The following MEIKIN variants were observed in gnomAD, a reference collection of about 807,000 sequenced individuals.
The protein encoded by MEIKIN is meiosis-specific kinetochore protein.
chr5:131,808,500 C>T (rs553018404), intron 12 of MEIKIN, among the ~76,000 whole-genome samples: 1 of 152,172 alleles, frequency 6.6e-6, no homozygotes, highest in Non-Finnish European at 1.5e-5. Flanking sequence ...TCACTAAGCC[C>T]TGTCAATTAT....
intron 11 of MEIKIN, among the ~76,000 whole-genome samples, chr5:131,837,632 T>C (rs1418778921): frequency 1.3e-5 from 2 of 152,108 alleles, no homozygotes; most frequent in African/African-American, 4.8e-5. Context: ...CTGAATAGAA[T>C]TGTGTTTCTG....
intron 11 of MEIKIN, among the ~76,000 whole-genome samples, chr5:131,831,901 C>A (rs1269580883): frequency 2.0e-5 from 3 of 152,156 alleles, no homozygotes; most frequent in African/African-American, 4.8e-5. Flanking sequence ...AGACTGGCCC[C>A]CATGATTCAA....
At chr5:131,843,512 C>T (rs1174445100) in intron 11 of MEIKIN, among the ~76,000 whole-genome samples, 1 of 152,238 alleles carries the variant, frequency 6.6e-6, no homozygotes, top group Non-Finnish European at 1.5e-5. Context: ...GAATGCTTTG[C>T]TTAAAAATTT....
intron 12 of MEIKIN, among the ~76,000 whole-genome samples, chr5:131,816,352 C>A (rs1443375446): frequency 6.6e-6 from 1 of 152,108 alleles, no homozygotes; most frequent in Non-Finnish European, 1.5e-5. Flanking sequence ...TTAATATCTA[C>A]AATAAACTTT....
rs115929009 is a variant in MEIKIN, at chr5:131,836,128, T to A, written c.975+15136A>T. ...GTTCTTATCATTTAGCTCTCATTTA[T>A]AAGTGAGAATATGCCATATTTGGTT... On this transcript the variant is annotated intron_variant, in intron 11 of 12. Coordinates refer to ENST00000442687, the MANE Select transcript of MEIKIN (RefSeq NM_001303622.2). Among the ~76,000 whole-genome samples, 1,289 of 152,336 alleles carry A rather than the reference T, an allele frequency of 8.5e-3. 15 individuals are homozygous for A. Among genetic ancestry groups the A allele is most frequent in the African/African-American group, 0.029 (1,199 of 41,574 alleles).
intron 8 of MEIKIN, among the ~76,000 whole-genome samples, chr5:131,883,189 TTG>T (rs1561743254): frequency 5.9e-5 from 9 of 152,312 alleles, no homozygotes; most frequent in African/African-American, 1.9e-4. Context: ...GAACACTAAA[TTG>T]AGATGCCTCT....
intron 8 of MEIKIN, among the ~76,000 whole-genome samples, chr5:131,886,254 G>A (rs186829642): frequency 6.6e-6 from 1 of 152,052 alleles, no homozygotes; most frequent in Non-Finnish European, 1.5e-5. Flanking sequence ...TTTATTCAAA[G>A]GGATAACAAC....
intron 8 of MEIKIN, among the ~76,000 whole-genome samples, chr5:131,895,173 T>A (rs2149636323): frequency 6.6e-6 from 1 of 152,366 alleles, no homozygotes; most frequent in South Asian, 2.1e-4. Context: ...TGGTTCTGTT[T>A]ATGTGATGGA....
chr5:131,890,240 T>TA (rs1750885253), intron 8 of MEIKIN, among the ~76,000 whole-genome samples: 2 of 152,204 alleles, frequency 1.3e-5, no homozygotes, highest in South Asian at 4.1e-4. Flanking sequence ...GGATTCCCTC[T>TA]TTTTCTATTG....
At chr5:131,851,423 T>C (rs1580872319) in intron 10 of MEIKIN, 40 bp from the exon 11 acceptor site, 2 of 396,626 alleles carry the variant, frequency 5.0e-6, no homozygotes, top group Non-Finnish European at 8.9e-6. Flanking sequence ...AAGTTAAACA[T>C]TGCAAAAGCA....
intron 12 of MEIKIN, among the ~76,000 whole-genome samples, chr5:131,815,369 TG>T (rs1388374001): frequency 6.6e-6 from 1 of 152,170 alleles, no homozygotes; most frequent in East Asian, 1.9e-4. Flanking sequence ...ATCCAATAAA[TG>T]GTACTTTTTT....
intron 8 of MEIKIN, among the ~76,000 whole-genome samples, chr5:131,901,188 G>A (rs914185077): frequency 2.6e-5 from 4 of 152,084 alleles, no homozygotes; most frequent in Non-Finnish European, 4.4e-5. Context: ...CACAGATGGC[G>A]TCAGTCCCAC....
intron 12 of MEIKIN, among the ~76,000 whole-genome samples, chr5:131,817,428 G>A (rs765761370): frequency 6.6e-5 from 10 of 151,822 alleles, no homozygotes; most frequent in East Asian, 1.9e-4. Flanking sequence ...TGGCTAACAC[G>A]ATGAAACCCC....
chr5:131,921,111 G>A (rs1348926634), intron 6 of MEIKIN, among the ~76,000 whole-genome samples: 1 of 152,160 alleles, frequency 6.6e-6, no homozygotes, highest in Non-Finnish European at 1.5e-5. Context: ...CAAACTGCAG[G>A]AGACTAGGGA....
rs1307221046 is a variant in MEIKIN, at chr5:131,810,612, T to C, written c.1100-3354A>G. On this transcript the variant is annotated intron_variant, in intron 12 of 12. Transcript: ENST00000442687. Reference sequence around the variant, plus strand: ...ACTGGAATCACTTTCAAAATGCAGGTTCCTGTGCCATCTCTAGAGACTGAA... The same window carrying C: ...ACTGGAATCACTTTCAAAATGCAGGCTCCTGTGCCATCTCTAGAGACTGAA... 3.3e-5 allele frequency among the ~76,000 whole-genome samples: 5 copies of C among 152,202 alleles called. No homozygotes were observed. The South Asian group carries it at 8.3e-4, about 25-fold the overall frequency.
At position 131,874,068 on chromosome 5, in the gene MEIKIN, C is replaced by T. The variant is rs541319922; in HGVS notation, c.774+4910G>A. Among the ~76,000 whole-genome samples, 287 of 152,258 alleles carry T rather than the reference C, an allele frequency of 1.9e-3. 1 individual carries two copies. Among genetic ancestry groups the T allele is most frequent in the African/African-American group, 6.7e-3 (277 of 41,538 alleles). On this transcript the variant is annotated intron_variant, in intron 9 of 12. Transcript: ENST00000442687. The stretch of plus-strand genomic sequence containing the variant: ...GAAAGATCTAAAATTGACACCCTAA[C>T]ATCACAATTAAAATAACTAGAAAAG...
intron 9 of MEIKIN, among the ~76,000 whole-genome samples, chr5:131,875,654 C>A (rs1189237380): frequency 1.3e-5 from 2 of 152,146 alleles, no homozygotes; most frequent in Non-Finnish European, 2.9e-5. Flanking sequence ...CTTTCAAGTT[C>A]ATACGGAACC....
chr5:131,813,478 G>A (rs992864781), intron 12 of MEIKIN, among the ~76,000 whole-genome samples: 4 of 150,558 alleles, frequency 2.7e-5, no homozygotes, highest in Non-Finnish European at 5.9e-5. Flanking sequence ...CCAGGCTGGA[G>A]TGCAGTGGCA....
intron 11 of MEIKIN, among the ~76,000 whole-genome samples, chr5:131,828,492 G>A (rs571109872): frequency 6.6e-6 from 1 of 152,108 alleles, no homozygotes; most frequent in South Asian, 2.1e-4. Context: ...ATAAAATTGA[G>A]GAAATCTTCC....
Sources: gnomAD v4.1 joint callset for allele counts (sites outside exome capture counted in the v4.1 genomes callset) on GRCh38, gnomAD v4.1.1 for gene constraint, MANE v1.5 for transcripts, NCBI Gene and HGNC (gene_info 2026-07-23, HGNC 2026-07-21) for gene names.